The following GPC6 variants were observed in gnomAD, a reference collection of about 807,000 sequenced individuals.
The protein encoded by GPC6 is glypican 6.
Under a neutral mutation model 55.2 loss-of-function variants are expected in GPC6, and 14 were observed. The ratio of observed to expected loss-of-function variants is 0.25; its 90% confidence interval spans 0.17 to 0.40. GPC6 has a LOEUF of 0.40. GPC6 is among the 10% of genes least tolerant of loss of function. The pLI, the probability that GPC6 is intolerant of heterozygous loss-of-function variation, is 1.00. For missense variants in GPC6, 641 were observed against 708.5 expected, an observed-to-expected ratio of 0.90 and a Z score of 1.08; for synonymous variants, 278 against 259.6, an observed-to-expected ratio of 1.07 and a Z score of -0.68.
chr13:94,180,193 G>T (rs75738645), intron 4 of GPC6, among the ~76,000 whole-genome samples: 1 of 152,112 alleles, frequency 6.6e-6, no homozygotes, highest in African/African-American at 2.4e-5. Flanking sequence ...GGAGAACCAC[G>T]GAGGGCTTTA....
chr13:93,690,697 C>A (rs900014451), intron 2 of GPC6, among the ~76,000 whole-genome samples: 4 of 151,968 alleles, frequency 2.6e-5, no homozygotes, highest in Admixed American at 2.0e-4. Context: ...CTATGTTAAA[C>A]CTATAAACTT....
chr13:93,326,076 T>G (rs1433067030), intron 1 of GPC6, among the ~76,000 whole-genome samples: 1 of 152,176 alleles, frequency 6.6e-6, no homozygotes, highest in Non-Finnish European at 1.5e-5. Context: ...AGATGGAACC[T>G]AGTGCCCTGA....
At chr13:94,139,258 G>A (rs1184446595) in intron 4 of GPC6, among the ~76,000 whole-genome samples, 1 of 152,000 alleles carries the variant, frequency 6.6e-6, no homozygotes, top group Non-Finnish European at 1.5e-5. Context: ...TACCCTAAAA[G>A]CCCTTACATA....
chr13:94,043,660 G>T (rs970038906), intron 4 of GPC6, among the ~76,000 whole-genome samples: 1 of 151,598 alleles, frequency 6.6e-6, no homozygotes, highest in Non-Finnish European at 1.5e-5. Context: ...TTCCTTATTT[G>T]CAACATCTTT....
intron 2 of GPC6, among the ~76,000 whole-genome samples, chr13:93,803,596 G>T (rs1283112859): frequency 6.6e-6 from 1 of 152,024 alleles, no homozygotes; most frequent in South Asian, 2.1e-4. Flanking sequence ...ATACCTAAAA[G>T]AAATAAAGGC....
intron 4 of GPC6, chr13:94,187,901 A>G (rs1225362266): frequency 6.6e-6 from 1 of 152,190 alleles, no homozygotes; most frequent in East Asian, 1.9e-4. Context: ...TATTATCCAT[A>G]CTGAATTCCT....
chr13:94,194,704 A>G (rs1406132734), intron 4 of GPC6, among the ~76,000 whole-genome samples: 2 of 152,186 alleles, frequency 1.3e-5, no homozygotes, highest in African/African-American at 4.8e-5. Flanking sequence ...ACCACTAAAG[A>G]ACTTAGTCAT....
intron 3 of GPC6, among the ~76,000 whole-genome samples, chr13:93,855,781 T>C (rs989876403): frequency 2.6e-5 from 4 of 151,742 alleles, no homozygotes; most frequent in Non-Finnish European, 4.4e-5. Context: ...ATGTGGAGCA[T>C]CTTTTCGTAT....
intron 1 of GPC6, among the ~76,000 whole-genome samples, chr13:93,421,640 G>A (rs1044274734): frequency 7.2e-5 from 11 of 151,942 alleles, no homozygotes; most frequent in African/African-American, 2.7e-4. Context: ...CTAATGTGCA[G>A]ATTCACGTGA....
At chr13:93,816,883 C>T (rs902820378) in intron 2 of GPC6, among the ~76,000 whole-genome samples, 1 of 152,026 alleles carries the variant, frequency 6.6e-6, no homozygotes, top group African/African-American at 2.4e-5. Flanking sequence ...CATACTATTA[C>T]GGTATTATAT....
At chr13:93,899,024 A>G (rs1488852990) in intron 3 of GPC6, among the ~76,000 whole-genome samples, 1 of 150,120 alleles carries the variant, frequency 6.7e-6, no homozygotes, top group Non-Finnish European at 1.5e-5. Flanking sequence ...AATCTCCAAT[A>G]CCCATCTTCT....
intron 4 of GPC6, among the ~76,000 whole-genome samples, chr13:94,165,374 T>A (rs1363056116): frequency 1.3e-5 from 2 of 151,862 alleles, no homozygotes; most frequent in Non-Finnish European, 2.9e-5. Flanking sequence ...ACTATTATTC[T>A]AAGTGAAGTA....
At chr13:93,450,006 T>C (rs1480382560) in intron 1 of GPC6, among the ~76,000 whole-genome samples, 1 of 152,026 alleles carries the variant, frequency 6.6e-6, no homozygotes, top group Non-Finnish European at 1.5e-5. Context: ...ATGGTCTCGA[T>C]CTCTTGACCT....
intron 3 of GPC6, among the ~76,000 whole-genome samples, chr13:93,926,972 T>C (rs560483518): frequency 6.6e-6 from 1 of 152,310 alleles, no homozygotes; most frequent in African/African-American, 2.4e-5. Context: ...AAAGACTATA[T>C]GTTCCCCTAG....
intron 1 of GPC6, among the ~76,000 whole-genome samples, chr13:93,472,608 A>G (rs1422532829): frequency 6.6e-6 from 1 of 152,202 alleles, no homozygotes; most frequent in African/African-American, 2.4e-5. Context: ...GCAGGGCCCC[A>G]AAGAGGGAGT....
intron 2 of GPC6, among the ~76,000 whole-genome samples, chr13:93,757,332 G>A (rs1042730435): frequency 2.6e-5 from 4 of 152,168 alleles, no homozygotes; most frequent in African/African-American, 9.7e-5. Context: ...TCTGTCAGCA[G>A]ATTGTAAAGG....
intron 1 of GPC6, among the ~76,000 whole-genome samples, chr13:93,289,573 A>G (rs1267454186): frequency 1.3e-5 from 2 of 152,208 alleles, no homozygotes; most frequent in Admixed American, 1.3e-4. Context: ...ACATAAATAT[A>G]TGTATATCTT....
At chr13:94,183,553 G>C (rs1889068995) in intron 4 of GPC6, among the ~76,000 whole-genome samples, 1 of 152,176 alleles carries the variant, frequency 6.6e-6, no homozygotes, top group South Asian at 2.1e-4. Flanking sequence ...CTGAGTCCCT[G>C]CTTTCAATGC....
chr13:93,596,514 C>A (rs755191738), intron 2 of GPC6, among the ~76,000 whole-genome samples: 29 of 150,914 alleles, frequency 1.9e-4, no homozygotes, highest in Non-Finnish European at 4.0e-4. Context: ...TCCTCGACAA[C>A]GTAATGTTGA....
Sources: gnomAD v4.1 joint callset for allele counts (sites outside exome capture counted in the v4.1 genomes callset) on GRCh38, gnomAD v4.1.1 for gene constraint, MANE v1.5 for transcripts, NCBI Gene and HGNC (gene_info 2026-07-23, HGNC 2026-07-21) for gene names.